The following MAPKBP1 variants were observed in gnomAD, a reference collection of about 807,000 sequenced individuals.
MAPKBP1 encodes mitogen-activated protein kinase-binding protein 1.
A neutral mutation model predicts 170.5 loss-of-function variants in MAPKBP1; 71 were observed. That is an observed-to-expected ratio of 0.42 (90% CI 0.34 to 0.51). The LOEUF (loss-of-function observed/expected upper bound fraction) is 0.51, where lower values mean the gene tolerates loss of function less well. Ranked by LOEUF, MAPKBP1 falls within the 20% of genes least tolerant of loss-of-function variation. MAPKBP1 has a pLI of 0.06. For missense variants in MAPKBP1, 1,598 were observed against 1,933.0 expected (o/e 0.83, Z 3.25); for synonymous variants, 719 against 757.9 (o/e 0.95, Z 0.84).
rs2152080297 is a variant in MAPKBP1, at chr15:41,815,708, T to C, written c.1402T>C (p.Ser468Pro). The change falls in exon 12 of 31, where the codon TCC (serine) becomes CCC (proline). Residue 468 changes from serine to proline, a missense_variant. Transcript: ENST00000457542. ...ELPGGDKADASLLDPRVGIRS... is the reference protein window; with the variant it reads ...ELPGGDKADAPLLDPRVGIRS... ...GCCTGGAGGAGACAAAGCTGATGCA[T>C]CCCTGTTGGATCCCCGCGTGGGCAT... 1.9e-6 allele frequency: 3 copies of C among 1,614,196 alleles called. No individual in the cohort carries two copies. The highest frequency in any genetic ancestry group is 1.1e-5 in the South Asian group (1 of 91,080).
At chr15:41,813,122 G>T in intron 8 of MAPKBP1, 21 bp downstream of exon 8, 1 of 1,585,430 alleles carries the variant, frequency 6.3e-7, no homozygotes, top group Non-Finnish European at 8.6e-7. Flanking sequence ...CCGTCCCCAG[G>T]GGTAGGGTCT....
chr15:41,781,681 T>A (rs905666261), intron 2 of MAPKBP1, among the ~76,000 whole-genome samples: 3 of 152,208 alleles, frequency 2.0e-5, no homozygotes, highest in African/African-American at 7.2e-5. Flanking sequence ...TGTTTATAAT[T>A]GAGATTTTAA....
chr15:41,813,884 A>G, intron 9 of MAPKBP1, 103 bp downstream of exon 9: 1 of 1,323,872 alleles, frequency 7.6e-7, no homozygotes, highest in Non-Finnish European at 1.0e-6. Flanking sequence ...TGATGCCCCA[A>G]AGATTATTGG....
rs745499023 is a variant in MAPKBP1 at position 41,825,726 on chromosome 15, C to T, written c.*290C>T. ...CTGTGAGAGGTAGGAGGGCAGCCTG[C>T]CCCATCTAGGAATCTGGGAAGGGCT... On this transcript the variant is annotated 3_prime_UTR_variant, in exon 31 of 31. Transcript: ENST00000457542. 2.9e-5 allele frequency: 10 copies of T among 349,012 alleles called. No individual in the cohort carries two copies. The highest frequency in any genetic ancestry group is 6.3e-5 in the African/African-American group (3 of 47,522). 21.6% of individuals were successfully genotyped at this position (349,012 alleles called of 1,614,324 possible).
At chr15:41,822,772 G>A (rs1207756545) in intron 27 of MAPKBP1, 95 bp downstream of exon 27, 30 of 1,511,064 alleles carry the variant, frequency 2.0e-5, no homozygotes, top group Middle Eastern at 3.7e-4. Flanking sequence ...CTCTCCATGC[G>A]CGGGGTGTTT....
chr15:41,805,621 A>C (rs2064677146), intron 3 of MAPKBP1, among the ~76,000 whole-genome samples: 1 of 152,192 alleles, frequency 6.6e-6, no homozygotes, highest in Admixed American at 6.5e-5. Context: ...TGCTCTCCTG[A>C]GGAGGCCCTC....
At chr15:41,819,555 G>GGC (rs1555454091) in intron 21 of MAPKBP1, 40 bp from the exon 22 acceptor site, 17,668 of 1,480,954 alleles carry the variant, frequency 0.012, 558 homozygotes, top group South Asian at 0.025. Context: ...GGCGGGGGGG[G>GGC]GGCAGGAGAC....
rs757471423 is a variant in MAPKBP1 at position 41,821,570 on chromosome 15, T to C, written c.2719-14T>C. The C allele has an allele frequency of 1.2e-6, 2 of 1,602,646 alleles. No individual in the cohort carries two copies. Among genetic ancestry groups the C allele is most frequent in the South Asian group, 2.2e-5 (2 of 90,784 alleles). On this transcript the variant is annotated splice_polypyrimidine_tract_variant and intron_variant, in intron 23 of 30. Transcript: ENST00000457542. ...TCACCTCTGCTCTGTTAACATCCCT[T>C]TGTGTGTTCCCAGAATGAAAAGCCC...
In MAPKBP1 at chr15:41,818,548, G is replaced by A. The variant is rs1409150149; in HGVS notation, c.2122G>A (p.Asp708Asn). Residue 708 changes from aspartate (D) to asparagine (N), a missense_variant, in exon 19 of 31, where the codon GAT becomes AAT. Asp to Asn is a conservative substitution (Grantham distance 23, BLOSUM62 1). Around this residue, in one of 6 missense-constraint regions of MAPKBP1, gnomAD observed 63 missense variants for 115.2 expected, o/e 0.55. Coordinates refer to ENST00000457542, the MANE Select transcript of MAPKBP1 (RefSeq NM_014994.3). This position sits in a 1 kb window ranked among gnomAD's most constrained non-coding sequence, Gnocchi z 5.2. ...EIVTGMKFSN[D>N]CKHLISVSGD... is the part of the protein sequence containing the mutation. ...TGTCACTGGCATGAAATTTAGTAAT[G>A]ATTGTAAACATCTCATCTCTGTGTC... The A allele has an allele frequency of 2.5e-6, 4 of 1,613,400 alleles. No individual in the cohort carries two copies. In the African/African-American group the frequency reaches 5.3e-5, roughly 22 times the overall value.
chr15:41,822,172 C>T (rs2065009514), intron 25 of MAPKBP1, 53 bp from the exon 26 acceptor site: 1 of 1,599,920 alleles, frequency 6.3e-7, no homozygotes, highest in East Asian at 2.2e-5. Context: ...GGTGGGGAGG[C>T]TCTGGCAACA....
At chr15:41,819,907 G>T (rs1292563389) in intron 22 of MAPKBP1, among the ~76,000 whole-genome samples, 1 of 152,204 alleles carries the variant, frequency 6.6e-6, no homozygotes, top group East Asian at 1.9e-4. Context: ...CAGCACTGGG[G>T]AGGTGGGGCA....
chr15:41,814,881 T>C, intron 10 of MAPKBP1, 142 bp downstream of exon 10: 4 of 1,092,302 alleles, frequency 3.7e-6, no homozygotes, highest in South Asian at 1.5e-5. Flanking sequence ...GGATAGATCC[T>C]GGGGACTGAG....
chr15:41,796,977 T>G (rs2064501813), intron 2 of MAPKBP1, among the ~76,000 whole-genome samples: 1 of 152,234 alleles, frequency 6.6e-6, no homozygotes, highest in Non-Finnish European at 1.5e-5. Context: ...TATATTGTTT[T>G]GTGAAACTTT....
rs748047483 is a variant in MAPKBP1, at chr15:41,818,110, CAG to C, written c.1980+27_1980+28del. The C allele has an allele frequency of 4.3e-6, 7 of 1,612,920 alleles. No individual in the cohort carries two copies. The highest frequency in any genetic ancestry group is 5.1e-6 in the Non-Finnish European group (6 of 1,179,044). On this transcript the variant is annotated intron_variant, in intron 17 of 30. Coordinates refer to ENST00000457542, the MANE Select transcript of MAPKBP1 (RefSeq NM_014994.3). This position sits in a 1 kb window ranked among gnomAD's most constrained non-coding sequence, Gnocchi z 5.2. ...GTAAGGACCCAGAGGGGGTACTGGA[CAG>C]GGGCTCGGGGACAGAGTGGTGCTGG...
intron 5 of MAPKBP1, 199 bp downstream of exon 5, chr15:41,811,434 C>T: frequency 1.4e-6 from 1 of 708,366 alleles, no homozygotes; most frequent in South Asian, 1.5e-5. Context: ...AAGCACACAT[C>T]ACTAGCCTGG....
In MAPKBP1 at chr15:41,817,145, C is replaced by G; in HGVS notation, c.1711+110C>G. The G allele has an allele frequency of 6.8e-7, 1 of 1,480,466 alleles. No homozygotes were observed. Among genetic ancestry groups the G allele is most frequent in the Non-Finnish European group, 9.0e-7 (1 of 1,105,068 alleles). 91.7% of individuals were successfully genotyped at this position (1,480,466 alleles called of 1,614,324 possible). A position where few individuals can be genotyped will look rare whatever the true frequency, so the allele number is the denominator to read the frequency against. ...ATTGTGGGGGAGTGTTGGACAGCAG[C>G]TGGGAGGCCTGGAGCTGGTTGGGAA... On this transcript the variant is annotated intron_variant, in intron 14 of 30. Transcript: ENST00000457542. This position sits in a 1 kb window ranked among gnomAD's most constrained non-coding sequence, Gnocchi z 4.2.
chr15:41,800,554 T>C (rs1383711825), intron 3 of MAPKBP1, among the ~76,000 whole-genome samples: 1 of 152,088 alleles, frequency 6.6e-6, no homozygotes, highest in Non-Finnish European at 1.5e-5. Context: ...AGGCTGGTGT[T>C]GAACTCCTGA....
In MAPKBP1 at chr15:41,813,113, C is replaced by G. The variant is rs201869170; in HGVS notation, c.819+12C>G. 10 of 1,590,600 alleles carry G rather than the reference C, an allele frequency of 6.3e-6. No individual in the cohort carries two copies. The highest frequency in any genetic ancestry group is 8.6e-7 in the Non-Finnish European group (1 of 1,168,598). ...GGGTGGAGCTGAGGGTAAGTACCTC[C>G]GTCCCCAGGGGTAGGGTCTGCTCAT... On this transcript the variant is annotated intron_variant, in intron 8 of 30. Transcript: ENST00000457542.
intron 23 of MAPKBP1, 61 bp from the exon 24 acceptor site, chr15:41,821,523 C>T (rs565343412): frequency 5.2e-6 from 8 of 1,550,436 alleles, no homozygotes; most frequent in Non-Finnish European, 7.1e-6. Flanking sequence ...GGCTTACCCC[C>T]CAGCTACCAC....
Sources: allele counts gnomAD v4.1 joint callset (sites outside exome capture counted in the v4.1 genomes callset), GRCh38; gene constraint gnomAD v4.1.1; regional missense constraint gnomAD v4.1.1; non-coding constraint Gnocchi (gnomAD v3.1); transcripts MANE v1.5; gene names NCBI Gene and HGNC (gene_info 2026-07-23, HGNC 2026-07-21).